ATF7IP: variants seen among roughly 807,000 people sequenced by gnomAD.
ATF7IP encodes the protein activating transcription factor 7-interacting protein 1.
In ATF7IP, 23 loss-of-function variants were observed where a neutral mutation model predicts 106.4. The ratio of observed to expected loss-of-function variants is 0.22; its 90% CI spans 0.16 to 0.31. ATF7IP has a LOEUF of 0.31. Among genes scored for constraint, ATF7IP ranks in the 10% least tolerant of loss-of-function variants. ATF7IP has a pLI of 1.00. For synonymous variants in ATF7IP, 542 were observed against 539.0 expected (o/e 1.01, Z -0.08); for missense variants, 1,334 against 1,524.3 (o/e 0.88, Z 2.08).
intron 1 of ATF7IP, among the ~76,000 whole-genome samples, chr12:14,396,605 T>C (rs568068158): frequency 1.3e-5 from 2 of 152,300 alleles, no homozygotes; most frequent in East Asian, 3.9e-4. Context: ...TGCTTCTTGG[T>C]GTGGAAGACA....
In ATF7IP at chr12:14,465,773, C is replaced by T. The variant is rs181221440; in HGVS notation, c.2798-753C>T. On this transcript the variant is annotated intron_variant, in intron 9 of 14. Coordinates refer to ENST00000261168, the MANE Select transcript of ATF7IP (RefSeq NM_018179.5). ...AAACATAAATTGTTTACTCTGTATGCATTCTGAAGATTTGCAAATGAAAGG... is the reference window on the plus strand; with the variant it reads ...AAACATAAATTGTTTACTCTGTATGTATTCTGAAGATTTGCAAATGAAAGG... Among the ~76,000 whole-genome samples the T allele has an allele frequency of 3.9e-4, 60 of 152,074 alleles. 2 individuals carry two copies. The highest frequency in any genetic ancestry group is 3.3e-3 in the Admixed American group (51 of 15,290).
intron 2 of ATF7IP, among the ~76,000 whole-genome samples, chr12:14,433,363 G>A (rs1479727637): frequency 2.0e-5 from 3 of 152,052 alleles, no homozygotes; most frequent in Non-Finnish European, 4.4e-5. Flanking sequence ...AAATTAGCTG[G>A]GCCTGGTGGC....
At chr12:14,469,362 CAAAAA>C (rs35509274) in intron 10 of ATF7IP, among the ~76,000 whole-genome samples, 2 of 88,402 alleles carry the variant, frequency 2.3e-5, no homozygotes, top group African/African-American at 4.4e-5. Flanking sequence ...GAGACTGTCT[CAAAAA>C]AAAAAAAAAA....
chr12:14,427,835 G>T (rs1941935111), intron 2 of ATF7IP, among the ~76,000 whole-genome samples: 1 of 151,978 alleles, frequency 6.6e-6, no homozygotes. Context: ...CTCCTGCTGC[G>T]AGTCACCATC....
intron 1 of ATF7IP, among the ~76,000 whole-genome samples, chr12:14,376,080 G>A (rs569493776): frequency 7.2e-5 from 11 of 152,250 alleles, no homozygotes; most frequent in Non-Finnish European, 1.5e-4. Flanking sequence ...AACGCCACAC[G>A]ATTACTAAAT....
At chr12:14,471,913 C>T (rs998782272) in intron 10 of ATF7IP, among the ~76,000 whole-genome samples, 8 of 152,048 alleles carry the variant, frequency 5.3e-5, no homozygotes, top group African/African-American at 1.9e-4. Context: ...TCTAAGTTAC[C>T]TGTGTGTATA....
chr12:14,475,088 C>G (rs149463041), intron 10 of ATF7IP, among the ~76,000 whole-genome samples: 184 of 152,234 alleles, frequency 1.2e-3, no homozygotes, highest in Non-Finnish European at 2.2e-3. Context: ...TGGAATTGAT[C>G]TCAGTATAAT....
intron 14 of ATF7IP, 27 bp from the exon 15 acceptor site, chr12:14,497,627 A>G (rs1945052091): frequency 1.9e-6 from 3 of 1,587,248 alleles, no homozygotes; most frequent in South Asian, 1.1e-5. Context: ...TGCAATCATC[A>G]TTAATCAGTG....
chr12:14,462,579 A>T (rs1021251338), intron 9 of ATF7IP, among the ~76,000 whole-genome samples: 1 of 152,008 alleles, frequency 6.6e-6, no homozygotes. Context: ...ATTTTGTTTA[A>T]TGTCATGCTT....
intron 6 of ATF7IP, among the ~76,000 whole-genome samples, chr12:14,447,314 C>G (rs1943017901): frequency 8.3e-6 from 1 of 120,818 alleles, no homozygotes; most frequent in Non-Finnish European, 1.6e-5. Flanking sequence ...GATGGAGTCT[C>G]TCTGTCGCCC....
chr12:14,491,026 G>T (rs1328720798), intron 13 of ATF7IP, among the ~76,000 whole-genome samples: 1 of 152,120 alleles, frequency 6.6e-6, no homozygotes, highest in Admixed American at 6.5e-5. Flanking sequence ...TTGCTCCAAA[G>T]TCCTGGAGGC....
At chr12:14,494,333 A>ATATGTGTGTG (rs1234871100) in intron 13 of ATF7IP, among the ~76,000 whole-genome samples, 43 of 85,964 alleles carry the variant, frequency 5.0e-4, no homozygotes, top group African/African-American at 1.8e-3. Flanking sequence ...ATATATATAT[A>ATATGTGTGTG]TGTGTGTGTG....
At chr12:14,449,726 A>C (rs1444091585) in intron 6 of ATF7IP, among the ~76,000 whole-genome samples, 1 of 151,830 alleles carries the variant, frequency 6.6e-6, no homozygotes, top group African/African-American at 2.4e-5. Flanking sequence ...GAAAAAAAAA[A>C]CAAACCCACT....
At chr12:14,474,543 G>A (rs1239218897) in intron 10 of ATF7IP, among the ~76,000 whole-genome samples, 1 of 151,816 alleles carries the variant, frequency 6.6e-6, no homozygotes, top group Non-Finnish European at 1.5e-5. Context: ...TGGGACTATA[G>A]ACACCCACCA....
intron 8 of ATF7IP, among the ~76,000 whole-genome samples, chr12:14,458,182 G>A (rs921222235): frequency 3.9e-5 from 6 of 151,946 alleles, no homozygotes. Flanking sequence ...TTTTTAAAAT[G>A]AAACTGTGTA....
chr12:14,401,714 C>CTTTTTTTTT (rs3083699), intron 1 of ATF7IP, among the ~76,000 whole-genome samples: 5 of 76,880 alleles, frequency 6.5e-5, no homozygotes, highest in Non-Finnish European at 7.1e-5. Context: ...AGAGATTAAG[C>CTTTTTTTTT]TTTTTTTTTT....
intron 1 of ATF7IP, among the ~76,000 whole-genome samples, chr12:14,411,281 A>G (rs1309898328): frequency 1.3e-5 from 2 of 152,260 alleles, no homozygotes; most frequent in East Asian, 1.9e-4. Context: ...ATCATTGCCA[A>G]TACTCATTAT....
chr12:14,414,479 G>C (rs1424175440), intron 1 of ATF7IP, among the ~76,000 whole-genome samples: 1 of 152,156 alleles, frequency 6.6e-6, no homozygotes, highest in African/African-American at 2.4e-5. Context: ...TTGTTTTTCA[G>C]CTCATCTGCT....
rs536312884 is a variant in ATF7IP, at chr12:14,463,784, A to G, written c.2797+2651A>G. Among the ~76,000 whole-genome samples the G allele has an allele frequency of 2.8e-4, 42 of 152,322 alleles. 1 individual carries two copies. In the South Asian group the frequency reaches 4.1e-3, roughly 15 times the overall value. On this transcript the variant is annotated intron_variant, in intron 9 of 14. Coordinates refer to ENST00000261168, the MANE Select transcript of ATF7IP (RefSeq NM_018179.5). Reference sequence around the variant, plus strand: ...GATGAGAGATGGTGGTATGAAAAAGATTTAAAAGTTATTTAAGAGGTAGCA... The same window carrying G: ...GATGAGAGATGGTGGTATGAAAAAGGTTTAAAAGTTATTTAAGAGGTAGCA...
Sources: gnomAD v4.1 joint callset for allele counts (sites outside exome capture counted in the v4.1 genomes callset) on GRCh38, gnomAD v4.1.1 for gene constraint, MANE v1.5 for transcripts, NCBI Gene and HGNC (gene_info 2026-07-23, HGNC 2026-07-21) for gene names.